KIAA1328: variants seen among roughly 807,000 people sequenced by gnomAD.
KIAA1328 encodes protein hinderin.
A neutral mutation model predicts 68.1 loss-of-function variants in KIAA1328; 52 were observed. The ratio of observed to expected loss-of-function variants is 0.76; its 90% CI spans 0.61 to 0.96. The LOEUF (loss-of-function observed/expected upper bound fraction) is 0.96. Among genes scored for constraint, KIAA1328 ranks in the 40% least tolerant of loss-of-function variants. The probability of loss-of-function intolerance (pLI) is 0.00; values close to 1 mark genes in which losing one functional copy is unlikely to be tolerated. For missense variants in KIAA1328, 641 were observed against 677.6 expected, an observed-to-expected ratio of 0.95 and a Z score of 0.60; for synonymous variants, 232 against 239.4, an observed-to-expected ratio of 0.97 and a Z score of 0.28.
Position 37,067,267 on chromosome 18 carries a change from C to T in KIAA1328, c.954C>T (p.Ser318=). 1.9e-6 allele frequency: 3 copies of T among 1,613,974 alleles called. No individual in the cohort carries two copies. Among genetic ancestry groups the T allele is most frequent in the African/African-American group, 1.3e-5 (1 of 75,030 alleles). Residue 318 remains serine (S), a synonymous_variant, in exon 7 of 10, where the codon AGC becomes AGT. Coordinates refer to ENST00000280020, the MANE Select transcript of KIAA1328 (RefSeq NM_020776.3). ...TTGCTGCAGATCGTGTTCATGACAG[C>T]CATCCTACAAACATGACCCCTCAAC... is the stretch of plus-strand genomic sequence containing the variant. The part of the protein sequence containing the change: ...HRLAADRVHD[S]HPTNMTPQHP...
At chr18:37,149,471 T>A (rs1372392552) in intron 7 of KIAA1328, among the ~76,000 whole-genome samples, 5 of 152,148 alleles carry the variant, frequency 3.3e-5, no homozygotes, top group Non-Finnish European at 7.4e-5. Context: ...ATCTAGGTGG[T>A]ACCATTCAGG....
chr18:36,905,846 A>G (rs1413892609), intron 5 of KIAA1328, among the ~76,000 whole-genome samples: 11 of 152,158 alleles, frequency 7.2e-5, no homozygotes, highest in Admixed American at 5.9e-4. Flanking sequence ...TGATGTCTTC[A>G]ATGCCAATTA....
At chr18:36,884,866 T>A (rs1333152676) in intron 4 of KIAA1328, among the ~76,000 whole-genome samples, 2 of 152,220 alleles carry the variant, frequency 1.3e-5, no homozygotes, top group African/African-American at 4.8e-5. Context: ...AAATTTTTGT[T>A]TTTTCTCTCT....
intron 7 of KIAA1328, among the ~76,000 whole-genome samples, chr18:37,117,665 A>C (rs1045183755): frequency 6.6e-6 from 1 of 152,112 alleles, no homozygotes; most frequent in African/African-American, 2.4e-5. Flanking sequence ...TAAAAACATC[A>C]TACTTCCACC....
At chr18:36,924,361 G>A in intron 5 of KIAA1328, among the ~76,000 whole-genome samples, 1 of 152,192 alleles carries the variant, frequency 6.6e-6, no homozygotes, top group Admixed American at 6.5e-5. Context: ...GCTATAATGA[G>A]GCAATGAGCA....
chr18:37,098,058 C>T (rs192680345), intron 7 of KIAA1328, among the ~76,000 whole-genome samples: 4 of 151,782 alleles, frequency 2.6e-5, no homozygotes, highest in African/African-American at 9.7e-5. Flanking sequence ...AATTGAATAC[C>T]CTTCATTTCC....
chr18:36,914,754 C>T (rs1181520279), intron 5 of KIAA1328, among the ~76,000 whole-genome samples: 1 of 151,936 alleles, frequency 6.6e-6, no homozygotes, highest in Non-Finnish European at 1.5e-5. Context: ...ATATATATTA[C>T]AGGATCTAAG....
At position 36,892,469 on chromosome 18, in the gene KIAA1328, C is replaced by A. The variant is rs184222283; in HGVS notation, c.448+6797C>A. On this transcript the variant is annotated intron_variant, in intron 5 of 9. Coordinates refer to ENST00000280020, the MANE Select transcript of KIAA1328 (RefSeq NM_020776.3). The stretch of plus-strand genomic sequence containing the variant: ...CCTTATCAACTTTGATGAATCTTGG[C>A]CTTTTTGTTTTGAATAAGTATTGGG... 4.6e-4 allele frequency among the ~76,000 whole-genome samples: 70 copies of A among 151,792 alleles called. 1 individual carries two copies. The highest frequency in any genetic ancestry group is 4.4e-5 in the Non-Finnish European group (3 of 67,888).
intron 7 of KIAA1328, among the ~76,000 whole-genome samples, chr18:37,089,301 A>T (rs1330956570): frequency 6.1e-5 from 9 of 148,166 alleles, no homozygotes; most frequent in Non-Finnish European, 1.5e-5. Flanking sequence ...TATAGTCCTT[A>T]TATTATGTAT....
downstream of KIAA1328, among the ~76,000 whole-genome samples, chr18:37,225,896 A>G (rs1301093951): frequency 2.0e-5 from 3 of 152,184 alleles, no homozygotes; most frequent in Non-Finnish European, 4.4e-5. Context: ...GAACAGAATC[A>G]TTACTCAAAC....
At position 37,185,720 on chromosome 18, in the gene KIAA1328, TAC is replaced by T. The variant is rs34348149; in HGVS notation, c.1523+12658_1523+12659del. The stretch of plus-strand genomic sequence containing the variant: ...ATATACGTATATACCTACTGATATA[TAC>T]ACACACACACACACACACGTACACA... On this transcript the variant is annotated intron_variant, in intron 9 of 9. Coordinates refer to ENST00000280020, the MANE Select transcript of KIAA1328 (RefSeq NM_020776.3). 6.1e-3 allele frequency among the ~76,000 whole-genome samples: 910 copies of T among 149,328 alleles called. 5 individuals are homozygous for T. Among genetic ancestry groups the T allele is most frequent in the Middle Eastern group, 0.014 (4 of 288 alleles).
At chr18:37,178,501 G>A (rs2059637673) in intron 9 of KIAA1328, among the ~76,000 whole-genome samples, 1 of 152,078 alleles carries the variant, frequency 6.6e-6, no homozygotes, top group African/African-American at 2.4e-5. Flanking sequence ...TGGACACTTA[G>A]GTTGATTCCA....
intron 7 of KIAA1328, among the ~76,000 whole-genome samples, chr18:37,111,668 G>C (rs1334018472): frequency 2.0e-5 from 3 of 152,182 alleles, no homozygotes; most frequent in African/African-American, 7.2e-5. Flanking sequence ...CATCTCACTG[G>C]GGCTTGTCAG....
intron 4 of KIAA1328, among the ~76,000 whole-genome samples, chr18:36,879,149 T>C (rs2048244298): frequency 1.3e-5 from 2 of 152,206 alleles, no homozygotes; most frequent in Admixed American, 6.5e-5. Context: ...CTCATCTTCA[T>C]GGATTTATCT....
At chr18:37,190,408 T>G (rs2059884059) in intron 9 of KIAA1328, among the ~76,000 whole-genome samples, 1 of 152,202 alleles carries the variant, frequency 6.6e-6, no homozygotes, top group South Asian at 2.1e-4. Flanking sequence ...ATATTAAAGT[T>G]AAATCAAGCA....
intron 6 of KIAA1328, among the ~76,000 whole-genome samples, chr18:36,981,020 C>A (rs1257390153): frequency 1.3e-5 from 2 of 152,158 alleles, no homozygotes; most frequent in Non-Finnish European, 1.5e-5. Flanking sequence ...AATACACCAA[C>A]TAACAAGGAA....
intron 7 of KIAA1328, among the ~76,000 whole-genome samples, chr18:37,091,773 A>G (rs760424166): frequency 1.1e-4 from 16 of 152,168 alleles, no homozygotes; most frequent in Non-Finnish European, 1.5e-4. Context: ...TAGTGAAGCC[A>G]GATATCCAGC....
intron 6 of KIAA1328, among the ~76,000 whole-genome samples, chr18:37,025,381 C>T (rs894117160): frequency 1.3e-5 from 2 of 152,172 alleles, no homozygotes; most frequent in Non-Finnish European, 2.9e-5. Flanking sequence ...ACCTAATAGA[C>T]ATATACAGAA....
intron 9 of KIAA1328, among the ~76,000 whole-genome samples, chr18:37,184,017 C>T (rs2059746651): frequency 6.6e-6 from 1 of 152,168 alleles, no homozygotes; most frequent in South Asian, 2.1e-4. Context: ...CTGTTCTTTT[C>T]ATTCCTGCAC....
Sources: allele counts gnomAD v4.1 joint callset (sites outside exome capture counted in the v4.1 genomes callset), GRCh38; gene constraint gnomAD v4.1.1; transcripts MANE v1.5; gene names NCBI Gene and HGNC (gene_info 2026-07-23, HGNC 2026-07-21).